CSMD1: variants seen among roughly 807,000 people sequenced by gnomAD.
CSMD1 encodes CUB and sushi domain-containing protein 1.
A neutral mutation model predicts 417.5 loss-of-function variants in CSMD1; 213 were observed. That is an observed-to-expected ratio of 0.51 (90% CI 0.46 to 0.57). The LOEUF is 0.57. Ranked by LOEUF, CSMD1 falls within the 20% of genes least tolerant of loss-of-function variation. CSMD1 has a pLI of 0.00. For missense variants in CSMD1, 6,923 were observed against 4,529.7 expected, an observed-to-expected ratio of 1.53 and a Z score of -15.17; for synonymous variants, 2,862 against 1,736.8, an observed-to-expected ratio of 1.65 and a Z score of -16.11.
intron 23 of CSMD1, among the ~76,000 whole-genome samples, chr8:3,339,664 T>C (rs1181722645): frequency 6.6e-6 from 1 of 152,224 alleles, no homozygotes; most frequent in Admixed American, 6.5e-5. Flanking sequence ...GGTGAAACTC[T>C]TACTTCTTGC....
intron 7 of CSMD1, among the ~76,000 whole-genome samples, chr8:3,698,662 T>C (rs1193690539): frequency 6.6e-6 from 1 of 152,196 alleles, no homozygotes; most frequent in Admixed American, 6.5e-5. Context: ...TTTCTGGCAA[T>C]CTAGTAACAC....
rs201834213 is a variant in CSMD1 at position 4,969,672 on chromosome 8, G to A, written c.85+24660C>T. 3.9e-5 allele frequency among the ~76,000 whole-genome samples: 6 copies of A among 152,136 alleles called. No individual in the cohort carries two copies. In the East Asian group the frequency reaches 9.7e-4, roughly 25 times the overall value. ...TTTGAGCCCATTGATTTCGAGGTGT[G>A]TCAATATTTTGGGGACTTGGAGGGA... On this transcript the variant is annotated intron_variant, in intron 1 of 69. Transcript: ENST00000635120.
At chr8:3,013,271 A>T (rs1161221191) in intron 52 of CSMD1, among the ~76,000 whole-genome samples, 3 of 152,072 alleles carry the variant, frequency 2.0e-5, no homozygotes, top group Non-Finnish European at 4.4e-5. Flanking sequence ...TCCCACCCAC[A>T]TGTTCCTGAT....
intron 26 of CSMD1, among the ~76,000 whole-genome samples, chr8:3,243,925 T>C (rs11785156): frequency 0.55 from 83,240 of 151,576 alleles, 23,009 homozygotes; most frequent in Admixed American, 0.6. Context: ...TTTTAAACGT[T>C]ATGTAAAATT....
intron 5 of CSMD1, among the ~76,000 whole-genome samples, chr8:3,788,892 A>C (rs1032809121): frequency 1.3e-5 from 2 of 152,196 alleles, no homozygotes; most frequent in African/African-American, 4.8e-5. Flanking sequence ...GAAGAAACAC[A>C]GGCTCAGAGG....
chr8:4,237,534 C>CTTTTTTT (rs11433104), intron 3 of CSMD1, among the ~76,000 whole-genome samples: 2 of 149,278 alleles, frequency 1.3e-5, no homozygotes, highest in African/African-American at 2.5e-5. Context: ...GTCAATACTA[C>CTTTTTTT]TTTTTTTTTT....
chr8:3,594,265 T>C (rs888323849), intron 8 of CSMD1, among the ~76,000 whole-genome samples: 4 of 152,112 alleles, frequency 2.6e-5, no homozygotes, highest in African/African-American at 9.7e-5. Context: ...AGATACTTCA[T>C]CAAACAGCTC....
intron 2 of CSMD1, among the ~76,000 whole-genome samples, chr8:4,474,806 G>T (rs537004504): frequency 6.6e-6 from 1 of 152,246 alleles, no homozygotes; most frequent in South Asian, 2.1e-4. Flanking sequence ...TGAGGAGGAA[G>T]AATTTTGTGA....
intron 1 of CSMD1, among the ~76,000 whole-genome samples, chr8:4,721,278 T>C (rs548997040): frequency 5.3e-5 from 8 of 152,176 alleles, no homozygotes; most frequent in Non-Finnish European, 1.0e-4. Flanking sequence ...GTTTAACATA[T>C]AGAAAGAAGA....
At chr8:4,915,309 G>A (rs983992975) in intron 1 of CSMD1, among the ~76,000 whole-genome samples, 2 of 152,010 alleles carry the variant, frequency 1.3e-5, no homozygotes, top group Non-Finnish European at 2.9e-5. Context: ...AGACTTTCCC[G>A]TGTGGATTTA....
chr8:4,643,385 C>A (rs1343243022), intron 1 of CSMD1, among the ~76,000 whole-genome samples: 2 of 152,140 alleles, frequency 1.3e-5, no homozygotes, highest in Non-Finnish European at 2.9e-5. Flanking sequence ...GATTTTTGAC[C>A]TCCAAAGCAT....
intron 53 of CSMD1, among the ~76,000 whole-genome samples, chr8:2,999,420 C>T (rs1585120432): frequency 6.6e-6 from 1 of 152,192 alleles, no homozygotes; most frequent in Non-Finnish European, 1.5e-5. Flanking sequence ...TCCCAAAGTG[C>T]TGGGATTACA....
At chr8:4,342,145 A>G (rs888139023) in intron 3 of CSMD1, among the ~76,000 whole-genome samples, 4 of 151,936 alleles carry the variant, frequency 2.6e-5, no homozygotes, top group African/African-American at 9.7e-5. Context: ...AGCCAATCTA[A>G]GACTGTCTAC....
chr8:3,825,177 G>A (rs1161649387), intron 5 of CSMD1, among the ~76,000 whole-genome samples: 4 of 152,078 alleles, frequency 2.6e-5, no homozygotes, highest in East Asian at 3.9e-4. Flanking sequence ...GTAGGTGAGG[G>A]TTTAGCGTGC....
In CSMD1 at chr8:4,336,428, C is replaced by G. The variant is rs569618387; in HGVS notation, c.415+83525G>C. On this transcript the variant is annotated intron_variant, in intron 3 of 69. Coordinates refer to ENST00000635120, the MANE Select transcript of CSMD1 (RefSeq NM_033225.6). Reference sequence around the variant, plus strand: ...CCTGATGGAATGACCCTAAGGCCCCCGGTCAGTTAATGTCAGCATCTGTGC... The same window carrying G: ...CCTGATGGAATGACCCTAAGGCCCCGGGTCAGTTAATGTCAGCATCTGTGC... Among the ~76,000 whole-genome samples, 417 of 152,236 alleles carry G rather than the reference C, an allele frequency of 2.7e-3. 2 individuals carry two copies. Among genetic ancestry groups the G allele is most frequent in the Non-Finnish European group, 4.9e-3 (334 of 68,004 alleles).
rs1326123337 is a variant in CSMD1 at position 2,937,565 on chromosome 8, C to G, written c.*1020G>C. 1 of 152,002 alleles carries G rather than the reference C, an allele frequency of 6.6e-6. No homozygotes were observed. The highest frequency in any genetic ancestry group is 1.5e-5 in the Non-Finnish European group (1 of 68,012). 9.4% of individuals were successfully genotyped at this position (152,002 alleles called of 1,614,324 possible). ...AGTTTTACATGGCAAACAGAAATTT[C>G]TGCAAACCCCCTGCTATTAAGTAGT... is the stretch of plus-strand genomic sequence containing the variant. On this transcript the variant is annotated 3_prime_UTR_variant, in exon 70 of 70. Coordinates refer to ENST00000635120, the MANE Select transcript of CSMD1 (RefSeq NM_033225.6).
At chr8:3,923,728 C>A (rs143186048) in intron 5 of CSMD1, among the ~76,000 whole-genome samples, 1 of 152,112 alleles carries the variant, frequency 6.6e-6, no homozygotes, top group African/African-American at 2.4e-5. Context: ...TGCTTCCTGT[C>A]TCACTGAAAC....
intron 5 of CSMD1, among the ~76,000 whole-genome samples, chr8:3,827,836 A>T (rs1563120800): frequency 6.6e-6 from 1 of 152,172 alleles, no homozygotes; most frequent in Non-Finnish European, 1.5e-5. Context: ...GTCCACTAAT[A>T]ACTCACAGTG....
intron 1 of CSMD1, among the ~76,000 whole-genome samples, chr8:4,649,438 G>C (rs189324762): frequency 6.6e-6 from 1 of 152,254 alleles, no homozygotes; most frequent in East Asian, 1.9e-4. Flanking sequence ...AAAAACTAAA[G>C]AGCTTGAGTG....
Sources: allele counts gnomAD v4.1 joint callset (sites outside exome capture counted in the v4.1 genomes callset), GRCh38; gene constraint gnomAD v4.1.1; transcripts MANE v1.5; gene names NCBI Gene and HGNC (gene_info 2026-07-23, HGNC 2026-07-21).